URB2: variants seen among roughly 807,000 people sequenced by gnomAD.
URB2 encodes URB2 ribosome biogenesis homolog, also known as unhealthy ribosome biogenesis protein 2 homolog.
Under a neutral mutation model 120.9 loss-of-function variants are expected in URB2, and 86 were observed. The observed-to-expected ratio is 0.71, with a 90% CI of 0.60 to 0.85. URB2 has a LOEUF of 0.85. Ranked by LOEUF, URB2 falls within the 40% of genes least tolerant of loss-of-function variation. The probability of loss-of-function intolerance (pLI) is 0.00; values close to 1 mark genes in which losing one functional copy is unlikely to be tolerated. For missense variants in URB2, 1,765 were observed against 1,836.5 expected, an observed-to-expected ratio of 0.96 and a Z score of 0.71; for synonymous variants, 755 against 758.4, an observed-to-expected ratio of 1.00 and a Z score of 0.07.
intron 5 of URB2, 148 bp from the exon 6 acceptor site, chr1:229,645,711 C>A: frequency 1.4e-6 from 1 of 697,768 alleles, no homozygotes; most frequent in Non-Finnish European, 2.6e-6. Context: ...GGACTTAACC[C>A]CAAGCAGGCC....
At chr1:229,631,445 G>T (rs867239754) in intron 2 of URB2, among the ~76,000 whole-genome samples, 5 of 152,280 alleles carry the variant, frequency 3.3e-5, no homozygotes, top group Middle Eastern at 3.4e-3. Context: ...GGCTCAAGAG[G>T]CTTGGTTTTG....
chr1:229,639,105 G>A (rs1665936865), intron 4 of URB2, among the ~76,000 whole-genome samples: 1 of 152,034 alleles, frequency 6.6e-6, no homozygotes, highest in Non-Finnish European at 1.5e-5. Context: ...CTTGAGTCCA[G>A]GCAACATGGC....
chr1:229,628,036 G>T (rs2102776463), intron 2 of URB2, among the ~76,000 whole-genome samples: 1 of 147,786 alleles, frequency 6.8e-6, no homozygotes, highest in East Asian at 2.0e-4. Flanking sequence ...ATCGCTTGAG[G>T]CCAGGAGTTC....
chr1:229,642,064 C>T (rs1395796429), intron 4 of URB2, among the ~76,000 whole-genome samples: 2 of 152,142 alleles, frequency 1.3e-5, no homozygotes, highest in Non-Finnish European at 2.9e-5. Flanking sequence ...CTGTATCCTG[C>T]TCTGGAGATG....
chr1:229,648,993 C>T (rs1197696066), intron 7 of URB2, among the ~76,000 whole-genome samples: 3 of 152,178 alleles, frequency 2.0e-5, no homozygotes, highest in African/African-American at 7.2e-5. Flanking sequence ...CTAATGAATC[C>T]TGTAGACAGT....
rs1571887239 is a variant in URB2, at chr1:229,659,385, T to C, written c.*88T>C. The stretch of plus-strand genomic sequence containing the variant: ...GAGCTGGAGAATGAAAGACTTAAGA[T>C]GTTCTAATTCGTAGTATTGGTATAC... On this transcript the variant is annotated 3_prime_UTR_variant, in exon 10 of 10. Transcript: ENST00000258243. 1.4e-6 allele frequency: 2 copies of C among 1,400,414 alleles called. No individual in the cohort carries two copies. The highest frequency in any genetic ancestry group is 9.9e-7 in the Non-Finnish European group (1 of 1,013,498). 86.7% of individuals were successfully genotyped at this position (1,400,414 alleles called of 1,614,324 possible). A position where few individuals can be genotyped will look rare whatever the true frequency, so the allele number is the denominator to read the frequency against.
chr1:229,637,206 G>A lies in URB2; in HGVS notation c.2593G>A (p.Glu865Lys), dbSNP rs1266224257. The A allele has an allele frequency of 2.5e-6, 4 of 1,613,692 alleles. No individual in the cohort carries two copies. Among genetic ancestry groups the A allele is most frequent in the African/African-American group, 1.3e-5 (1 of 74,924 alleles). ...TGCAAAAGCTGGACCCGAAGGTATA[G>A]AACCTAGAGGAGAAATTGCCCAGAA... is the stretch of plus-strand genomic sequence containing the variant. Reference protein sequence around the residue: ...RFAKAGPEGIEPRGEIAQNLL... With the variant: ...RFAKAGPEGIKPRGEIAQNLL... The change falls in exon 4 of 10, where the codon GAA (glutamate) becomes AAA (lysine). Residue 865 changes from glutamate to lysine, a missense_variant. By Grantham distance (56) the Glu-to-Lys change is moderately conservative. Transcript: ENST00000258243.
At chr1:229,646,407 C>G (rs1325023119) in intron 6 of URB2, among the ~76,000 whole-genome samples, 1 of 152,156 alleles carries the variant, frequency 6.6e-6, no homozygotes, top group Non-Finnish European at 1.5e-5. Context: ...CTCAAGTGAT[C>G]CTTCTGCCTT....
Position 229,659,559 on chromosome 1 carries a change from A to T in URB2, c.*262A>T. The T allele has an allele frequency of 1.2e-5, 4 of 332,768 alleles. No individual in the cohort carries two copies. In the South Asian group the frequency reaches 2.2e-4, roughly 18 times the overall value. The allele number at this position is 332,768 out of a possible 1,614,324, so 20.6% of individuals were successfully genotyped here. On this transcript the variant is annotated 3_prime_UTR_variant, in exon 10 of 10. Transcript: ENST00000258243. ...TGGGATGAGATTAATTCAATAGAAA[A>T]ATTGCTGACTCTTGGGACCTTTCTG... is the stretch of plus-strand genomic sequence containing the variant.
chr1:229,645,923 C>T lies in URB2; in HGVS notation c.3860C>T (p.Ala1287Val), dbSNP rs187075884. ...LLNCPLSGEK[A>V]SLLWRACPQI... Reference sequence around the variant, plus strand: ...AACTGCCCACTCAGTGGAGAGAAAGCAAGTCTGTTGTGGCGTGCGTGTCCC... The same window carrying T: ...AACTGCCCACTCAGTGGAGAGAAAGTAAGTCTGTTGTGGCGTGCGTGTCCC... Residue 1287 changes from alanine to valine, a missense_variant, in exon 6 of 10, where the codon GCA (alanine) becomes GTA (valine). Coordinates refer to ENST00000258243, the MANE Select transcript of URB2 (RefSeq NM_014777.4). 2.5e-6 allele frequency: 4 copies of T among 1,614,188 alleles called. No homozygotes were observed. Among genetic ancestry groups the T allele is most frequent in the African/African-American group, 1.3e-5 (1 of 75,042 alleles).
intron 6 of URB2, 108 bp from the exon 7 acceptor site, chr1:229,647,402 C>A: frequency 7.2e-7 from 1 of 1,388,058 alleles, no homozygotes; most frequent in Non-Finnish European, 9.8e-7. Context: ...CACATCAATT[C>A]ATTTTGGAGC....
intron 2 of URB2, among the ~76,000 whole-genome samples, chr1:229,628,363 A>G (rs556137912): frequency 2.7e-5 from 4 of 149,864 alleles, no homozygotes; most frequent in East Asian, 3.9e-4. Context: ...TGAGGCTGCA[A>G]TGAGCTATGA....
At chr1:229,639,951 T>C (rs998945528) in intron 4 of URB2, among the ~76,000 whole-genome samples, 4 of 152,144 alleles carry the variant, frequency 2.6e-5, no homozygotes, top group African/African-American at 9.7e-5. Context: ...AAAACTATTA[T>C]GAAGACAAGG....
intron 3 of URB2, among the ~76,000 whole-genome samples, chr1:229,633,163 G>A (rs1179485352): frequency 5.9e-5 from 9 of 152,186 alleles, no homozygotes; most frequent in Admixed American, 2.0e-4. Context: ...ATGAGTGTGC[G>A]GGCTGAGAGA....
rs746295600 is a variant in URB2 at position 229,635,009 on chromosome 1, A to C, written c.396A>C (p.Thr132=). The change falls in exon 4 of 10, where the codon ACA becomes ACC. Residue 132 remains threonine, a synonymous_variant. Transcript: ENST00000258243. ...VLRCCQGILS[T]PALAVIYTAK... is the part of the protein sequence containing the mutation. ...GATGTTGCCAGGGCATCCTGTCGACACCTGCCCTGGCTGTCATCTACACGG... is the reference window on the plus strand; with the variant it reads ...GATGTTGCCAGGGCATCCTGTCGACCCCTGCCCTGGCTGTCATCTACACGG... The C allele has an allele frequency of 3.2e-5, 52 of 1,613,162 alleles. No individual in the cohort carries two copies. The highest frequency in any genetic ancestry group is 6.8e-6 in the Non-Finnish European group (8 of 1,179,414).
At chr1:229,632,222 T>G (rs375452262) in intron 2 of URB2, 47 bp from the exon 3 acceptor site, 137 of 1,474,322 alleles carry the variant, frequency 9.3e-5, no homozygotes, top group Non-Finnish European at 1.1e-4. Flanking sequence ...AACATCTTTC[T>G]CTCAGCAAAT....
intron 4 of URB2, 110 bp downstream of exon 4, chr1:229,638,357 C>T (rs1422992959): frequency 7.7e-7 from 1 of 1,300,732 alleles, no homozygotes; most frequent in Non-Finnish European, 1.0e-6. Context: ...AAAGGTACCA[C>T]ATGTGCGGCT....
rs781421863 is a variant in URB2 at position 229,636,271 on chromosome 1, TGAG to T, written c.1662_1664del (p.Arg554del). ...CTGCTGCACTGCATCATGTTCAACA[TGAG>T]GAGCCTGGACAGCAGCACGCCTCTG... On this transcript the variant is annotated inframe_deletion, in exon 4 of 10. Coordinates refer to ENST00000258243, the MANE Select transcript of URB2 (RefSeq NM_014777.4). 12 of 1,613,840 alleles carry T rather than the reference TGAG, an allele frequency of 7.4e-6. No homozygotes were observed. The highest frequency in any genetic ancestry group is 1.1e-5 in the South Asian group (1 of 91,082).
rs889990146 is a variant in URB2 at position 229,638,335 on chromosome 1, G to A, written c.3634+88G>A. The A allele has an allele frequency of 1.4e-5, 19 of 1,391,856 alleles. No individual in the cohort carries two copies. In the Admixed American group the frequency reaches 2.4e-4, roughly 18 times the overall value. 86.2% of individuals were successfully genotyped at this position (1,391,856 alleles called of 1,614,324 possible). A position where few individuals can be genotyped will look rare whatever the true frequency, so the allele number is the denominator to read the frequency against. ...TTTGGAACTGGGAATAAGTGAACACGTGATGTGTTCAAAAGGTACCACATG... is the reference window on the plus strand; with the variant it reads ...TTTGGAACTGGGAATAAGTGAACACATGATGTGTTCAAAAGGTACCACATG... On this transcript the variant is annotated intron_variant, in intron 4 of 9. Transcript: ENST00000258243.
Sources: allele counts gnomAD v4.1 joint callset (sites outside exome capture counted in the v4.1 genomes callset), GRCh38; gene constraint gnomAD v4.1.1; transcripts MANE v1.5; gene names NCBI Gene and HGNC (gene_info 2026-07-23, HGNC 2026-07-21).